Variants in CHD9 observed in about 807,000 individuals in gnomAD.
CHD9 encodes chromodomain helicase DNA binding protein 9, also known as ATP-dependent chromatin remodeler CHD9.
In CHD9, 77 loss-of-function variants were observed where a neutral mutation model predicts 316.1. The ratio of observed to expected loss-of-function variants is 0.24; its 90% CI spans 0.20 to 0.29. CHD9 has a LOEUF of 0.29. CHD9 is among the 10% of genes least tolerant of loss of function. The pLI, the probability that CHD9 is intolerant of heterozygous loss-of-function variation, is 1.00. For synonymous variants in CHD9, 1,129 were observed against 1,158.3 expected (o/e 0.97, Z 0.51); for missense variants, 2,763 against 3,438.1 (o/e 0.80, Z 4.91).
At chr16:53,257,466 G>A (rs558008908) in intron 19 of CHD9, among the ~76,000 whole-genome samples, 2 of 152,310 alleles carry the variant, frequency 1.3e-5, no homozygotes, top group East Asian at 1.9e-4. Flanking sequence ...AGGGACTTGT[G>A]TATGAAATAA....
In CHD9 at chr16:53,255,603, C is replaced by G. The variant is rs770679999; in HGVS notation, c.4033C>G (p.Gln1345Glu). Residue 1345 changes from glutamine (Q) to glutamate (E), a missense_variant, in exon 19 of 39, where the codon CAG becomes GAG. Gln to Glu is a conservative substitution (Grantham distance 29). Around this residue, in one of 15 missense-constraint regions of CHD9, gnomAD observed 199 missense variants for 251.7 expected, o/e 0.79. Coordinates refer to ENST00000447540, the MANE Select transcript of CHD9 (RefSeq NM_001308319.2). The part of the protein sequence containing the change: ...SGRESNVGGI[Q>E]QLSKKEIEDL... ...ATGGAAGTTAATTTCTCCTTAGATT[C>G]AGCAGCTTTCCAAAAAGGAAATAGA... The G allele has an allele frequency of 1.2e-6, 2 of 1,610,726 alleles. No homozygotes were observed. The highest frequency in any genetic ancestry group is 1.7e-6 in the Non-Finnish European group (2 of 1,178,692).
intron 1 of CHD9, among the ~76,000 whole-genome samples, chr16:53,070,052 C>T (rs1005413569): frequency 3.3e-5 from 5 of 151,988 alleles, no homozygotes; most frequent in Admixed American, 1.3e-4. Context: ...TGTATATCTT[C>T]CTTGGAAAAA....
intron 29 of CHD9, among the ~76,000 whole-genome samples, chr16:53,293,503 C>A (rs2054529486): frequency 6.6e-6 from 1 of 151,994 alleles, no homozygotes; most frequent in South Asian, 2.1e-4. Context: ...GTGGTCCCAG[C>A]CACTCGGGAG....
At chr16:53,151,207 TCCCCTC>T (rs2041082015) in intron 1 of CHD9, among the ~76,000 whole-genome samples, 1 of 50,066 alleles carries the variant, frequency 2.0e-5, no homozygotes, top group African/African-American at 7.9e-5. Flanking sequence ...TCCCCTCCCC[TCCCCTC>T]CCCCCCTCCC....
chr16:53,130,319 G>C (rs1037518688), intron 1 of CHD9, among the ~76,000 whole-genome samples: 1 of 152,202 alleles, frequency 6.6e-6, no homozygotes, highest in Non-Finnish European at 1.5e-5. Context: ...CTAAATCCAC[G>C]GCTCCTTAAG....
chr16:53,087,764 A>T (rs1471180660), intron 1 of CHD9, among the ~76,000 whole-genome samples: 2 of 152,150 alleles, frequency 1.3e-5, no homozygotes, highest in Non-Finnish European at 2.9e-5. Flanking sequence ...CCTGGCCAAC[A>T]TGATGAAACC....
At chr16:53,107,685 A>G (rs2037480256) in intron 1 of CHD9, among the ~76,000 whole-genome samples, 1 of 151,540 alleles carries the variant, frequency 6.6e-6, no homozygotes, top group Non-Finnish European at 1.5e-5. Context: ...CCATCTAAAA[A>G]AATTTTAATA....
At chr16:53,224,934 TTA>T (rs1026449548) in intron 4 of CHD9, among the ~76,000 whole-genome samples, 9 of 152,308 alleles carry the variant, frequency 5.9e-5, no homozygotes, top group African/African-American at 1.9e-4. Flanking sequence ...ATTAGAATTT[TTA>T]TATGTCACCA....
chr16:53,194,772 C>T (rs1331615515), intron 2 of CHD9, among the ~76,000 whole-genome samples: 1 of 152,146 alleles, frequency 6.6e-6, no homozygotes, highest in South Asian at 2.1e-4. Flanking sequence ...TCACCAATAA[C>T]ACTGATTAAG....
At chr16:53,084,540 C>T (rs1021177781) in intron 1 of CHD9, among the ~76,000 whole-genome samples, 1 of 152,102 alleles carries the variant, frequency 6.6e-6, no homozygotes, top group African/African-American at 2.4e-5. Flanking sequence ...GTCAGGAGAT[C>T]GAAACGATCC....
At chr16:53,236,621 C>CA (rs2048650927) in intron 11 of CHD9, among the ~76,000 whole-genome samples, 1 of 148,612 alleles carries the variant, frequency 6.7e-6, no homozygotes, top group South Asian at 2.1e-4. Context: ...CATTCCCCCC[C>CA]ACCACCACCA....
In CHD9 at chr16:53,130,299, G is replaced by A. The variant is rs578187647; in HGVS notation, c.-164-25627G>A. On this transcript the variant is annotated intron_variant, in intron 1 of 38. Transcript: ENST00000447540. ...ACACCCGGGTCTCCGCGCGAAAGGA[G>A]AACGTGGGACTAAATCCACGGCTCC... Among the ~76,000 whole-genome samples the A allele has an allele frequency of 5.3e-5, 8 of 152,326 alleles. 1 individual carries two copies. Among genetic ancestry groups the A allele is most frequent in the Admixed American group, 3.9e-4 (6 of 15,310 alleles).
intron 1 of CHD9, among the ~76,000 whole-genome samples, chr16:53,093,926 T>C (rs2036163695): frequency 1.3e-5 from 2 of 152,254 alleles, no homozygotes; most frequent in Non-Finnish European, 2.9e-5. Flanking sequence ...TTTGGTTCGA[T>C]TGCGAGTGTC....
chr16:53,082,455 T>C (rs551895227), intron 1 of CHD9, among the ~76,000 whole-genome samples: 1 of 152,268 alleles, frequency 6.6e-6, no homozygotes, highest in East Asian at 1.9e-4. Flanking sequence ...TGCCCAGTCT[T>C]GTCTCAAACT....
chr16:53,292,766 T>C, intron 28 of CHD9, 67 bp from the exon 29 acceptor site: 2 of 1,283,398 alleles, frequency 1.6e-6, no homozygotes, highest in African/African-American at 1.5e-5. Context: ...TAAAGTAAAG[T>C]TGCTGCTTTT....
intron 1 of CHD9, among the ~76,000 whole-genome samples, chr16:53,105,014 A>G (rs2037210637): frequency 6.6e-6 from 1 of 151,566 alleles, no homozygotes; most frequent in Admixed American, 6.6e-5. Context: ...CAAAAAAAAC[A>G]CAAAAAACTG....
chr16:53,212,711 G>A (rs1394388183), intron 3 of CHD9, among the ~76,000 whole-genome samples: 1 of 151,996 alleles, frequency 6.6e-6, no homozygotes, highest in African/African-American at 2.4e-5. Context: ...GTGATAATGG[G>A]GTTAAATTCT....
chr16:53,204,892 A>G (rs2045777254), intron 2 of CHD9, among the ~76,000 whole-genome samples: 1 of 152,016 alleles, frequency 6.6e-6, no homozygotes, highest in South Asian at 2.1e-4. Context: ...TGCCCAGGCT[A>G]GAGTACGGTG....
At chr16:53,231,571 A>G (rs1597545647) in intron 9 of CHD9, 66 bp downstream of exon 9, 1 of 1,380,188 alleles carries the variant, frequency 7.2e-7, no homozygotes, top group South Asian at 1.3e-5. Flanking sequence ...ATTAAGACCT[A>G]GTACTTTATT....
Sources: allele counts gnomAD v4.1 joint callset (sites outside exome capture counted in the v4.1 genomes callset), GRCh38; gene constraint gnomAD v4.1.1; regional missense constraint gnomAD v4.1.1; transcripts MANE v1.5; gene names NCBI Gene and HGNC (gene_info 2026-07-23, HGNC 2026-07-21).